Variants in SANBR observed in about 807,000 individuals in gnomAD.
The protein encoded by SANBR is SANT and BTB domain regulator of CSR.
In SANBR, 77 loss-of-function variants were observed where a neutral mutation model predicts 101.8. The ratio of observed to expected loss-of-function variants is 0.76; its 90% CI spans 0.63 to 0.91. The LOEUF is 0.91. Among genes scored for constraint, SANBR ranks in the 40% least tolerant of loss-of-function variants. SANBR has a pLI of 0.00. For missense variants in SANBR, 875 were observed against 853.0 expected (o/e 1.03, Z -0.32); for synonymous variants, 279 against 274.7 (o/e 1.02, Z -0.15).
chr2:61,121,297 C>G (rs1199955396), intron 21 of SANBR, 21 bp downstream of exon 21: 5 of 1,526,926 alleles, frequency 3.3e-6, no homozygotes, highest in Non-Finnish European at 1.8e-6. Flanking sequence ...ATAAACTAAA[C>G]CAGAGTGTCA....
At chr2:61,104,072 A>C (rs1228873238) in intron 13 of SANBR, 74 bp downstream of exon 13, 10 of 1,365,956 alleles carry the variant, frequency 7.3e-6, no homozygotes, top group Admixed American at 6.0e-5. Context: ...CCTTATCCCC[A>C]AATCAGCAAC....
At position 61,109,243 on chromosome 2, in the gene SANBR, C is replaced by T; in HGVS notation, c.1691C>T (p.Ser564Phe). The T allele has an allele frequency of 6.4e-7, 1 of 1,572,538 alleles. No individual in the cohort carries two copies. The highest frequency in any genetic ancestry group is 8.6e-7 in the Non-Finnish European group (1 of 1,157,412). Reference sequence around the variant, plus strand: ...GAAGAAGAAGAATATACCACTGGATCTGAGGTCACTGAAGATGAAGTTGGA... The same window carrying T: ...GAAGAAGAAGAATATACCACTGGATTTGAGGTCACTGAAGATGAAGTTGGA... ...FSEEEEYTTGSEVTEDEVGDE... is the reference protein window; with the variant it reads ...FSEEEEYTTGFEVTEDEVGDE... Residue 564 changes from serine to phenylalanine, a missense_variant, in exon 16 of 22, where the codon TCT becomes TTT. Ser to Phe is a radical substitution (Grantham distance 155). Transcript: ENST00000402291.
intron 20 of SANBR, among the ~76,000 whole-genome samples, chr2:61,119,192 C>T (rs1397775669): frequency 6.6e-6 from 1 of 152,178 alleles, no homozygotes; most frequent in Non-Finnish European, 1.5e-5. Context: ...TTAGTCATGA[C>T]ATTATGTATT....
downstream of SANBR, among the ~76,000 whole-genome samples, chr2:61,128,623 GC>G (rs1169520193): frequency 1.3e-5 from 2 of 152,002 alleles, no homozygotes; most frequent in Middle Eastern, 3.4e-3. Flanking sequence ...CTCCCAAGTA[GC>G]TGGGATTACA....
rs1166037952 is a variant in SANBR, at chr2:61,117,013, T to C, written c.1837-344T>C. On this transcript the variant is annotated intron_variant, in intron 17 of 21. Transcript: ENST00000402291. ...TCGAGGCTGCAGTGAGCTATAATCA[T>C]GCCACTGCACTCCAGCCTGGGCAAC... is the stretch of plus-strand genomic sequence containing the variant. 1.4e-5 allele frequency: 4 copies of C among 291,744 alleles called. No individual in the cohort carries two copies. In the South Asian group the frequency reaches 1.6e-4, roughly 12 times the overall value. The allele number at this position is 291,744 out of a possible 1,614,324, so 18.1% of individuals were successfully genotyped here.
At chr2:61,088,308 A>G (rs1176678680) in intron 9 of SANBR, 50 bp from the exon 10 acceptor site, 2 of 1,565,354 alleles carry the variant, frequency 1.3e-6, no homozygotes, top group Non-Finnish European at 1.7e-6. Context: ...TTAATTTACT[A>G]CATTTACATT....
intron 12 of SANBR, among the ~76,000 whole-genome samples, chr2:61,102,481 C>T (rs1276189611): frequency 6.6e-6 from 1 of 151,710 alleles, no homozygotes; most frequent in Non-Finnish European, 1.5e-5. Context: ...GGAGAAATCC[C>T]AGCACAAATT....
Position 61,134,601 on chromosome 2 carries a change from A to G in SANBR, c.*44+325A>G, listed in dbSNP as rs181566278. Among the ~76,000 whole-genome samples, 27 of 152,288 alleles carry G rather than the reference A, an allele frequency of 1.8e-4. No homozygotes were observed. In the East Asian group the frequency reaches 3.7e-3, roughly 21 times the overall value. ...TCTTCTGCTCTATTAGAAATATTAG[A>G]AATATATTGTTGGCCAGGCACGGTG... is the stretch of plus-strand genomic sequence containing the variant. On this transcript the variant is annotated intron_variant, in intron 21 of 21. Transcript: ENST00000295031.
At chr2:61,110,177 A>G (rs146751757) in intron 16 of SANBR, among the ~76,000 whole-genome samples, 2 of 152,234 alleles carry the variant, frequency 1.3e-5, no homozygotes, top group East Asian at 3.9e-4. Context: ...TCTTAGTATA[A>G]GGTTTTTGAG....
At chr2:61,113,024 G>A (rs1244800969) in intron 16 of SANBR, among the ~76,000 whole-genome samples, 1 of 152,110 alleles carries the variant, frequency 6.6e-6, no homozygotes, top group Non-Finnish European at 1.5e-5. Context: ...TAAGGGTCAA[G>A]CTTCCTTTTT....
At chr2:61,067,835 A>G (rs758322483) in intron 1 of SANBR, among the ~76,000 whole-genome samples, 4 of 152,238 alleles carry the variant, frequency 2.6e-5, no homozygotes, top group Non-Finnish European at 4.4e-5. Context: ...ACAAGTAGAG[A>G]TCAGTGCTTT....
At chr2:61,073,582 T>A in intron 5 of SANBR, 31 bp downstream of exon 5, 1 of 1,177,234 alleles carries the variant, frequency 8.5e-7, no homozygotes, top group Non-Finnish European at 1.2e-6. Context: ...TAGATAAGAT[T>A]AAATATTAAT....
At chr2:61,080,497 C>T (rs530278510) in intron 6 of SANBR, among the ~76,000 whole-genome samples, 7 of 152,140 alleles carry the variant, frequency 4.6e-5, no homozygotes, top group Admixed American at 1.3e-4. Flanking sequence ...CCAAGGCGGG[C>T]GGATCACGAG....
intron 20 of SANBR, among the ~76,000 whole-genome samples, chr2:61,130,419 C>T (rs1221786170): frequency 6.6e-6 from 1 of 152,104 alleles, no homozygotes; most frequent in Non-Finnish European, 1.5e-5. Flanking sequence ...CCAACACTAC[C>T]TACAAAGAAA....
intron 10 of SANBR, among the ~76,000 whole-genome samples, chr2:61,090,134 A>G (rs1305102687): frequency 6.6e-6 from 1 of 152,214 alleles, no homozygotes; most frequent in East Asian, 1.9e-4. Context: ...TGGACAACAG[A>G]GCAAAACAAA....
intron 1 of SANBR, among the ~76,000 whole-genome samples, chr2:61,067,743 A>G (rs1038750575): frequency 1.3e-5 from 2 of 152,116 alleles, no homozygotes; most frequent in African/African-American, 2.4e-5. Flanking sequence ...CGTCTTAACA[A>G]CAACAACAAC....
At chr2:61,099,645 A>G (rs1232166888) in intron 12 of SANBR, among the ~76,000 whole-genome samples, 2 of 152,224 alleles carry the variant, frequency 1.3e-5, no homozygotes, top group Non-Finnish European at 1.5e-5. Context: ...ATAATAACTC[A>G]TAAGTTTTCT....
At chr2:61,118,242 T>A in intron 20 of SANBR, 126 bp downstream of exon 20, 1 of 684,828 alleles carries the variant, frequency 1.5e-6, no homozygotes, top group Non-Finnish European at 2.4e-6. Flanking sequence ...TTTGTTTGTT[T>A]GTTTGTTTTT....
intron 12 of SANBR, among the ~76,000 whole-genome samples, chr2:61,101,674 A>G (rs892406480): frequency 1.3e-5 from 2 of 151,106 alleles, no homozygotes; most frequent in African/African-American, 4.9e-5. Context: ...TGGAGCTTAC[A>G]GTGAGCTGAG....
Sources: gnomAD v4.1 joint callset for allele counts (sites outside exome capture counted in the v4.1 genomes callset) on GRCh38, gnomAD v4.1.1 for gene constraint, MANE v1.5 for transcripts, NCBI Gene and HGNC (gene_info 2026-07-23, HGNC 2026-07-21) for gene names.